Variants in SETBP1 observed in about 807,000 individuals in gnomAD.
SETBP1 encodes SET binding protein 1.
Under a neutral mutation model 101.0 loss-of-function variants are expected in SETBP1, and 9 were observed. That is an observed-to-expected ratio of 0.09 (90% CI 0.05 to 0.16). The LOEUF is 0.16. Ranked by LOEUF, SETBP1 falls within the 10% of genes least tolerant of loss-of-function variation. The pLI, the probability that SETBP1 is intolerant of heterozygous loss-of-function variation, is 1.00. For synonymous variants in SETBP1, 818 were observed against 788.5 expected (o/e 1.04, Z -0.63); for missense variants, 1,858 against 2,033.8 (o/e 0.91, Z 1.66).
chr18:44,884,695 C>A (rs2069601408), intron 3 of SETBP1, among the ~76,000 whole-genome samples: 1 of 152,156 alleles, frequency 6.6e-6, no homozygotes, highest in Non-Finnish European at 1.5e-5. Context: ...TGACACATGG[C>A]AAATGTGTCA....
intron 4 of SETBP1, among the ~76,000 whole-genome samples, chr18:45,024,381 T>C (rs1367517451): frequency 1.3e-5 from 2 of 152,150 alleles, no homozygotes; most frequent in Non-Finnish European, 2.9e-5. Context: ...TTTCCTGAAA[T>C]GCTTCTTTCT....
At chr18:45,038,977 G>A (rs1219481981) in intron 5 of SETBP1, among the ~76,000 whole-genome samples, 2 of 152,126 alleles carry the variant, frequency 1.3e-5, no homozygotes, top group African/African-American at 4.8e-5. Flanking sequence ...TCTGCATCAA[G>A]GGCCTTATAT....
chr18:44,777,634 A>G (rs1239994741), intron 2 of SETBP1, among the ~76,000 whole-genome samples: 2 of 152,172 alleles, frequency 1.3e-5, no homozygotes, highest in Non-Finnish European at 1.5e-5. Context: ...ATGCAGGCAA[A>G]CTGAGGACAC....
chr18:45,004,913 T>C (rs2072693110), intron 4 of SETBP1, among the ~76,000 whole-genome samples: 1 of 152,210 alleles, frequency 6.6e-6, no homozygotes, highest in African/African-American at 2.4e-5. Context: ...GTGATCCTGA[T>C]AAGCTTCTCC....
intron 4 of SETBP1, among the ~76,000 whole-genome samples, chr18:45,036,166 T>C (rs775336617): frequency 4.1e-4 from 63 of 152,004 alleles, no homozygotes; most frequent in Non-Finnish European, 8.2e-4. Context: ...ACCCCGTCTG[T>C]ACTAAAAATA....
chr18:44,901,688 C>G (rs75851413), intron 3 of SETBP1, among the ~76,000 whole-genome samples: 2 of 152,154 alleles, frequency 1.3e-5, no homozygotes, highest in Admixed American at 1.3e-4. Flanking sequence ...TCATTACAGC[C>G]AGACATTATA....
intron 4 of SETBP1, among the ~76,000 whole-genome samples, chr18:45,029,444 G>A (rs1457010135): frequency 5.9e-5 from 9 of 152,020 alleles, no homozygotes; most frequent in Non-Finnish European, 8.8e-5. Context: ...GTCAGGTAGC[G>A]TGATGCCTCC....
intron 2 of SETBP1, among the ~76,000 whole-genome samples, chr18:44,786,169 T>A (rs1328818969): frequency 6.6e-6 from 1 of 152,222 alleles, no homozygotes; most frequent in Non-Finnish European, 1.5e-5. Flanking sequence ...TGACAGAGAA[T>A]CTCCTTTTTC....
At chr18:44,708,401 T>C (rs1308983966) in intron 2 of SETBP1, among the ~76,000 whole-genome samples, 1 of 152,136 alleles carries the variant, frequency 6.6e-6, no homozygotes, top group Non-Finnish European at 1.5e-5. Context: ...ACACAAGAGG[T>C]TGAATTTCCC....
intron 2 of SETBP1, among the ~76,000 whole-genome samples, chr18:44,818,207 A>T (rs1006918541): frequency 3.3e-5 from 5 of 152,138 alleles, no homozygotes; most frequent in African/African-American, 1.2e-4. Flanking sequence ...TTTGAGAAGC[A>T]TTTTTTTTAA....
At chr18:44,920,959 G>A (rs891682994) in intron 3 of SETBP1, among the ~76,000 whole-genome samples, 6 of 152,136 alleles carry the variant, frequency 3.9e-5, no homozygotes, top group African/African-American at 1.4e-4. Context: ...ACAGGAATAT[G>A]GTGTAATTGG....
intron 4 of SETBP1, among the ~76,000 whole-genome samples, chr18:44,966,559 T>A (rs55753921): frequency 6.6e-6 from 1 of 152,184 alleles, no homozygotes; most frequent in African/African-American, 2.4e-5. Flanking sequence ...AAATCAAATT[T>A]GAGTTGTAGG....
In SETBP1 at chr18:45,063,888, C is replaced by A. The variant is rs2073933733; in HGVS notation, c.*190C>A. ...CTCTTGGGAAAGCAAAGCAGGGAGA[C>A]ACCTTCAGAAGAAGCTTGTCTGAGC... On this transcript the variant is annotated 3_prime_UTR_variant, in exon 6 of 6. Coordinates refer to ENST00000649279, the MANE Select transcript of SETBP1 (RefSeq NM_015559.3). 2 of 590,696 alleles carry A rather than the reference C, an allele frequency of 3.4e-6. No homozygotes were observed. Among genetic ancestry groups the A allele is most frequent in the South Asian group, 4.1e-5 (2 of 49,378 alleles). 36.6% of individuals were successfully genotyped at this position (590,696 alleles called of 1,614,324 possible).
At chr18:44,725,813 C>T (rs1040336464) in intron 2 of SETBP1, among the ~76,000 whole-genome samples, 2 of 152,160 alleles carry the variant, frequency 1.3e-5, no homozygotes, top group South Asian at 2.1e-4. Context: ...TACCTCCCCC[C>T]TCCAACTCCG....
intron 2 of SETBP1, among the ~76,000 whole-genome samples, chr18:44,706,444 G>A (rs1186937309): frequency 1.3e-5 from 2 of 151,504 alleles, no homozygotes; most frequent in Admixed American, 6.6e-5. Flanking sequence ...AAATTAGCCA[G>A]GCATGGGGTG....
At chr18:44,983,363 G>A (rs146022788) in intron 4 of SETBP1, among the ~76,000 whole-genome samples, 189 of 152,150 alleles carry the variant, frequency 1.2e-3, no homozygotes, top group South Asian at 1.0e-2. Context: ...TAAGTGTTTC[G>A]TATGCATAAC....
chr18:45,030,672 A>G (rs1293583971), intron 4 of SETBP1, among the ~76,000 whole-genome samples: 1 of 149,814 alleles, frequency 6.7e-6, no homozygotes, highest in Non-Finnish European at 1.5e-5. Flanking sequence ...GCTATTGATT[A>G]TTGCCACAAT....
At chr18:44,717,766 A>G (rs1490661899) in intron 2 of SETBP1, among the ~76,000 whole-genome samples, 2 of 152,192 alleles carry the variant, frequency 1.3e-5, no homozygotes, top group South Asian at 2.1e-4. Context: ...GCACTGAAGG[A>G]CCTGAGGATT....
intron 2 of SETBP1, among the ~76,000 whole-genome samples, chr18:44,739,271 G>A (rs2070046592): frequency 6.6e-6 from 1 of 152,104 alleles, no homozygotes; most frequent in African/African-American, 2.4e-5. Context: ...ATATTCACAG[G>A]TTCCAGGGAT....
Sources: gnomAD v4.1 joint callset for allele counts (sites outside exome capture counted in the v4.1 genomes callset) on GRCh38, gnomAD v4.1.1 for gene constraint, MANE v1.5 for transcripts, NCBI Gene and HGNC (gene_info 2026-07-23, HGNC 2026-07-21) for gene names.